PAPOLA: variants seen among roughly 807,000 people sequenced by gnomAD.
PAPOLA encodes poly(A) polymerase alpha, also known as polynucleotide adenylyltransferase alpha.
PAPOLA carries 15 observed loss-of-function variants against 100.6 expected under a neutral mutation model. That is an observed-to-expected ratio of 0.15 (90% CI 0.10 to 0.23). The LOEUF is 0.23. Ranked by LOEUF, PAPOLA falls within the 10% of genes least tolerant of loss-of-function variation. The probability of loss-of-function intolerance (pLI) is 1.00; values close to 1 mark genes in which losing one functional copy is unlikely to be tolerated. For synonymous variants in PAPOLA, 293 were observed against 300.0 expected, an observed-to-expected ratio of 0.98 and a Z score of 0.24; for missense variants, 533 against 884.2, an observed-to-expected ratio of 0.60 and a Z score of 5.04.
intron 18 of PAPOLA, 112 bp from the exon 19 acceptor site, chr14:96,556,063 A>T: frequency 8.5e-7 from 1 of 1,179,706 alleles, no homozygotes; most frequent in Non-Finnish European, 1.2e-6. Context: ...ATGCCAGTTT[A>T]TTTTTTGCAT....
intron 6 of PAPOLA, 107 bp from the exon 7 acceptor site, chr14:96,531,368 T>A: frequency 3.8e-6 from 3 of 789,644 alleles, no homozygotes; most frequent in Admixed American, 2.9e-5. Context: ...GTGTTCCACC[T>A]GCCTCAGCCT....
At chr14:96,514,069 A>G (rs1191151790) in intron 1 of PAPOLA, among the ~76,000 whole-genome samples, 2 of 152,246 alleles carry the variant, frequency 1.3e-5, no homozygotes, top group Non-Finnish European at 2.9e-5. Context: ...CACTGATTTA[A>G]AATGGTTATC....
rs181793954 is a variant in PAPOLA at position 96,543,398 on chromosome 14, G to A, written c.1289+505G>A. Among the ~76,000 whole-genome samples, 382 of 152,058 alleles carry A rather than the reference G, an allele frequency of 2.5e-3. 2 individuals carry two copies. The highest frequency in any genetic ancestry group is 4.6e-3 in the Non-Finnish European group (309 of 67,898). On this transcript the variant is annotated intron_variant, in intron 14 of 21. Transcript: ENST00000216277. ...CTTTTATTTATGTAGGTTAGTTGTT[G>A]ATTTGATTGTTTGCTGTTCGTATGA...
chr14:96,521,959 G>A (rs58781186), intron 3 of PAPOLA, among the ~76,000 whole-genome samples: 2,540 of 151,608 alleles, frequency 0.017, 72 homozygotes, highest in African/African-American at 0.059. Context: ...GCGCCACCAT[G>A]CCCAACTATT....
chr14:96,552,362 G>C (rs1273543123), intron 16 of PAPOLA, 118 bp from the exon 17 acceptor site: 1 of 940,376 alleles, frequency 1.1e-6, no homozygotes, highest in Admixed American at 2.5e-5. Context: ...TCTAACTTTC[G>C]TAGATTTAGT....
chr14:96,543,333 A>G (rs962995953), intron 14 of PAPOLA, among the ~76,000 whole-genome samples: 1 of 152,152 alleles, frequency 6.6e-6, no homozygotes, highest in East Asian at 1.9e-4. Flanking sequence ...TTGAGAAGAT[A>G]ACATAAGAAA....
intron 16 of PAPOLA, 33 bp from the exon 17 acceptor site, chr14:96,552,447 G>C (rs1900918097): frequency 6.4e-7 from 1 of 1,573,642 alleles, no homozygotes; most frequent in Admixed American, 1.7e-5. Flanking sequence ...ATGAAATAAA[G>C]ATATATTTGA....
At chr14:96,545,234 T>C (rs1900296707) in intron 15 of PAPOLA, among the ~76,000 whole-genome samples, 1 of 152,070 alleles carries the variant, frequency 6.6e-6, no homozygotes, top group African/African-American at 2.4e-5. Flanking sequence ...AAAAAGTCAG[T>C]ATCGTACACT....
At chr14:96,523,912 G>A (rs904043304) in intron 3 of PAPOLA, among the ~76,000 whole-genome samples, 2 of 150,380 alleles carry the variant, frequency 1.3e-5, no homozygotes, top group Admixed American at 1.3e-4. Context: ...CCGTTGCACT[G>A]CAGCCTGGGT....
At chr14:96,541,635 G>A (rs1342089735) in intron 12 of PAPOLA, among the ~76,000 whole-genome samples, 1 of 151,920 alleles carries the variant, frequency 6.6e-6, no homozygotes, top group Non-Finnish European at 1.5e-5. Flanking sequence ...TTGAGTTTTG[G>A]ATAAAAATCA....
At chr14:96,541,002 G>T (rs914363837) in intron 12 of PAPOLA, among the ~76,000 whole-genome samples, 3 of 152,138 alleles carry the variant, frequency 2.0e-5, no homozygotes, top group Non-Finnish European at 4.4e-5. Flanking sequence ...CCATTCTCCT[G>T]CCTCAGCCTC....
rs1335105531 is a variant in PAPOLA, at chr14:96,535,992, T to G, written c.1023T>G (p.Phe341Leu). 5 of 1,599,758 alleles carry G rather than the reference T, an allele frequency of 3.1e-6. No homozygotes were observed. The African/African-American group carries it at 6.7e-5, about 22-fold the overall frequency. ...CACGGATGGTCATGGTTGAGGAGTT[T>G]AAACAAGGTAAGTGTTTATCCTTAT... ...VSTRMVMVEE[F>L]KQGLAITDEI... The change falls in exon 11 of 22, where the codon TTT becomes TTG. Residue 341 changes from phenylalanine to leucine, a missense_variant. Phe to Leu is a conservative substitution (Grantham distance 22). This residue lies in a region of PAPOLA where 87 missense variants were observed against 173.3 expected (regional missense o/e 0.50). Coordinates refer to ENST00000216277, the MANE Select transcript of PAPOLA (RefSeq NM_032632.5).
chr14:96,547,519 A>T (rs780567693), intron 15 of PAPOLA, among the ~76,000 whole-genome samples: 2 of 152,132 alleles, frequency 1.3e-5, no homozygotes, highest in Non-Finnish European at 2.9e-5. Flanking sequence ...GCCATTTCTT[A>T]AAGAGTTACT....
chr14:96,505,096 G>A (rs987657771), intron 1 of PAPOLA, among the ~76,000 whole-genome samples: 1 of 152,198 alleles, frequency 6.6e-6, no homozygotes, highest in Non-Finnish European at 1.5e-5. Context: ...AAGAGTCATG[G>A]TGGTGAAGCT....
intron 19 of PAPOLA, among the ~76,000 whole-genome samples, chr14:96,558,578 A>C (rs1346015366): frequency 6.6e-6 from 1 of 152,164 alleles, no homozygotes; most frequent in Non-Finnish European, 1.5e-5. Context: ...TTTTAAACTT[A>C]AGTATGGAAA....
chr14:96,555,827 T>A lies in PAPOLA; in HGVS notation c.1665-20T>A. ...TCTATTTTTAAATTTTGAGACAATT[T>A]TTAATTTTTTTTTTTTTAGCAGAAA... On this transcript the variant is annotated intron_variant, in intron 17 of 21. Transcript: ENST00000216277. 1 of 1,354,400 alleles carries A rather than the reference T, an allele frequency of 7.4e-7. No homozygotes were observed. Among genetic ancestry groups the A allele is most frequent in the South Asian group, 1.5e-5 (1 of 68,756 alleles). The allele number at this position is 1,354,400 out of a possible 1,614,324, so 83.9% of individuals were successfully genotyped here.
intron 3 of PAPOLA, among the ~76,000 whole-genome samples, chr14:96,523,712 A>G (rs936858082): frequency 6.6e-6 from 1 of 152,218 alleles, no homozygotes; most frequent in Non-Finnish European, 1.5e-5. Flanking sequence ...TGGGAGGCCA[A>G]GGTGGGCTTA....
In PAPOLA at chr14:96,557,955, A is replaced by AATAC. The variant is rs57857734; in HGVS notation, c.2004+1542_2004+1543insATAC. Among the ~76,000 whole-genome samples, 1,029 of 152,020 alleles carry AATAC rather than the reference A, an allele frequency of 6.8e-3. 15 individuals carry two copies. Among genetic ancestry groups the AATAC allele is most frequent in the African/African-American group, 0.024 (975 of 41,460 alleles). ...TTTGTGTCATTTTTATTGTTGTATT[A>AATAC]TTTTTTATTTTTCTAAGTATTTTTG... On this transcript the variant is annotated intron_variant, in intron 19 of 21. Transcript: ENST00000216277.
chr14:96,555,849 G>A lies in PAPOLA; in HGVS notation c.1667G>A (p.Arg556Lys). The change falls in exon 18 of 22, where the codon AGA (arginine) becomes AAA (lysine). Residue 556 changes from arginine (R) to lysine (K), a missense_variant and splice_region_variant. Transcript: ENST00000216277. ...PLNSSGSSQG[R>K]NSPAPAVTAA... ...ATTTTTAATTTTTTTTTTTTTAGCA[G>A]AAACAGTCCTGCTCCAGCTGTAACA... 1 of 1,446,042 alleles carries A rather than the reference G, an allele frequency of 6.9e-7. No individual in the cohort carries two copies. Among genetic ancestry groups the A allele is most frequent in the Non-Finnish European group, 9.3e-7 (1 of 1,075,956 alleles). 89.6% of individuals were successfully genotyped at this position (1,446,042 alleles called of 1,614,324 possible).
Sources: gnomAD v4.1 joint callset for allele counts (sites outside exome capture counted in the v4.1 genomes callset) on GRCh38, gnomAD v4.1.1 for gene constraint, gnomAD v4.1.1 regional missense constraint, MANE v1.5 for transcripts, NCBI Gene and HGNC (gene_info 2026-07-23, HGNC 2026-07-21) for gene names.